Variants in PSD3 observed in about 807,000 individuals in gnomAD.
The protein encoded by PSD3 is pleckstrin and Sec7 domain containing 3, also known as PH and SEC7 domain-containing protein 3.
In PSD3, 49 loss-of-function variants were observed where a neutral mutation model predicts 105.5. The ratio of observed to expected loss-of-function variants is 0.46; its 90% CI spans 0.37 to 0.59. The LOEUF is 0.59. Among genes scored for constraint, PSD3 ranks in the 20% least tolerant of loss-of-function variants. PSD3 has a pLI of 0.00. For synonymous variants in PSD3, 557 were observed against 457.8 expected (o/e 1.22, Z -2.77); for missense variants, 1,561 against 1,263.8 (o/e 1.24, Z -3.57).
At chr8:19,058,795 G>T (rs1488289234) in intron 1 of PSD3, among the ~76,000 whole-genome samples, 1 of 152,134 alleles carries the variant, frequency 6.6e-6, no homozygotes, top group African/African-American at 2.4e-5. Context: ...GGCCTGTAGG[G>T]TGAGAGGGAG....
At chr8:18,802,769 T>C (rs141020583) in intron 6 of PSD3, among the ~76,000 whole-genome samples, 147 of 152,290 alleles carry the variant, frequency 9.7e-4, no homozygotes, top group African/African-American at 1.7e-3. Flanking sequence ...ATTTTATAAA[T>C]AGTGTTGAAA....
intron 2 of PSD3, among the ~76,000 whole-genome samples, chr8:18,898,180 T>C (rs1819276567): frequency 6.6e-6 from 1 of 152,226 alleles, no homozygotes; most frequent in Non-Finnish European, 1.5e-5. Flanking sequence ...GTATAGATGA[T>C]CTATCTGATG....
chr8:18,838,567 C>T (rs1412102921), intron 4 of PSD3, among the ~76,000 whole-genome samples: 3 of 151,938 alleles, frequency 2.0e-5, no homozygotes, highest in South Asian at 2.1e-4. Context: ...TTTGGGAGGC[C>T]GAGGCGGGCG....
rs17127076 is a variant in PSD3 at position 18,706,697 on chromosome 8, G to A, written c.2173-51012C>T. Among the ~76,000 whole-genome samples the A allele has an allele frequency of 6.8e-3, 1,031 of 152,270 alleles. 10 individuals are homozygous for A. Among genetic ancestry groups the A allele is most frequent in the African/African-American group, 0.024 (1,006 of 41,564 alleles). Reference sequence around the variant, plus strand: ...GCATCTAATGAACTGTGAGGTTTGTGGACCTTTGGCAAACACATCCTCACT... The same window carrying A: ...GCATCTAATGAACTGTGAGGTTTGTAGACCTTTGGCAAACACATCCTCACT... On this transcript the variant is annotated intron_variant, in intron 9 of 15. Coordinates refer to ENST00000327040, the MANE Select transcript of PSD3 (RefSeq NM_015310.4).
intron 1 of PSD3, among the ~76,000 whole-genome samples, chr8:19,076,103 A>G (rs1309928662): frequency 7.4e-5 from 4 of 53,968 alleles, no homozygotes; most frequent in Non-Finnish European, 1.1e-4. Context: ...GGATGCTCTC[A>G]ATAAAAATAC....
intron 15 of PSD3, among the ~76,000 whole-genome samples, chr8:18,537,956 C>A (rs1337216011): frequency 6.6e-6 from 1 of 152,184 alleles, no homozygotes; most frequent in Non-Finnish European, 1.5e-5. Flanking sequence ...GGATTACAGG[C>A]GTGAGCCACT....
intron 9 of PSD3, among the ~76,000 whole-genome samples, chr8:18,725,396 A>G (rs1186168013): frequency 6.6e-6 from 1 of 152,246 alleles, no homozygotes; most frequent in Non-Finnish European, 1.5e-5. Flanking sequence ...GGTTGGGGTC[A>G]GAAGAAAGAT....
At chr8:18,729,580 C>T (rs1358995049) in intron 9 of PSD3, among the ~76,000 whole-genome samples, 1 of 152,166 alleles carries the variant, frequency 6.6e-6, no homozygotes, top group African/African-American at 2.4e-5. Flanking sequence ...AAAAAGGGTA[C>T]AGTGCAGGTT....
chr8:18,539,019 C>CT (rs1799996326), intron 15 of PSD3, among the ~76,000 whole-genome samples: 1 of 152,162 alleles, frequency 6.6e-6, no homozygotes, highest in Non-Finnish European at 1.5e-5. Context: ...TTAAAAAAGG[C>CT]TTATAGGGAC....
intron 9 of PSD3, among the ~76,000 whole-genome samples, chr8:18,708,008 A>C (rs899652770): frequency 3.9e-5 from 6 of 152,220 alleles, no homozygotes; most frequent in African/African-American, 1.4e-4. Flanking sequence ...GTACCAGGTA[A>C]TAAACCACCT....
rs1213261545 is a variant in PSD3, at chr8:18,769,112, A to G, written c.2083-3574T>C. Among the ~76,000 whole-genome samples the G allele has an allele frequency of 2.0e-5, 3 of 152,346 alleles. No homozygotes were observed. The East Asian group carries it at 5.8e-4, about 29-fold the overall frequency. Reference sequence around the variant, plus strand: ...GTGTCTCAAGGTAAAAAAATAACACATACAATGAACAGTCATTATGATATA... The same window carrying G: ...GTGTCTCAAGGTAAAAAAATAACACGTACAATGAACAGTCATTATGATATA... On this transcript the variant is annotated intron_variant, in intron 8 of 15. Transcript: ENST00000327040.
Position 18,868,089 on chromosome 8 carries a change from G to A in PSD3, c.1239-20C>T, listed in dbSNP as rs531492569. The A allele has an allele frequency of 2.6e-6, 4 of 1,563,820 alleles. No individual in the cohort carries two copies. Among genetic ancestry groups the A allele is most frequent in the South Asian group, 2.5e-5 (2 of 81,178 alleles). On this transcript the variant is annotated intron_variant, in intron 3 of 15. Transcript: ENST00000327040. ...CTGATCCTGGAAAGTAAATAAGAGT[G>A]AAGAATTCCAATATTAGGTTAATGT...
chr8:18,904,334 AC>A (rs573888381), intron 2 of PSD3, among the ~76,000 whole-genome samples: 188 of 152,296 alleles, frequency 1.2e-3, no homozygotes, highest in African/African-American at 3.9e-3. Flanking sequence ...GCCAGTGTGC[AC>A]TCTGAACTTC....
chr8:19,080,636 C>G (rs1014830111), intron 1 of PSD3, among the ~76,000 whole-genome samples: 4 of 152,168 alleles, frequency 2.6e-5, no homozygotes, highest in Non-Finnish European at 5.9e-5. Flanking sequence ...GCCTGTCATG[C>G]TCATTTCCTC....
Position 18,804,599 on chromosome 8 carries a change from G to A in PSD3, c.1833C>T (p.Asn611=), listed in dbSNP as rs141140112. The A allele has an allele frequency of 5.0e-5, 80 of 1,612,662 alleles. 1 individual carries two copies. In the Middle Eastern group the frequency reaches 6.6e-4, roughly 13 times the overall value. The change falls in exon 6 of 16, where the codon AAC becomes AAT. Residue 611 remains asparagine (N), a synonymous_variant. Coordinates refer to ENST00000327040, the MANE Select transcript of PSD3 (RefSeq NM_015310.4). ...CTTCTGCAACTAGTTTGCTAAATTC[G>A]TTGCTATAAGAAAACAGAATAGACT... The part of the protein sequence containing the change: ...SDVAKHLGKN[N]EFSKLVAEEY...
chr8:18,616,628 C>CTTTTT (rs71217391), intron 11 of PSD3, among the ~76,000 whole-genome samples: 1 of 126,776 alleles, frequency 7.9e-6, no homozygotes, highest in Non-Finnish European at 1.6e-5. Flanking sequence ...CTTTTCTTTT[C>CTTTTT]TTTTTTTTTT....
At chr8:18,911,994 T>C (rs1820254022) in intron 2 of PSD3, among the ~76,000 whole-genome samples, 2 of 152,214 alleles carry the variant, frequency 1.3e-5, no homozygotes, top group South Asian at 4.1e-4. Context: ...CATTAGTCTT[T>C]CAATTATTAT....
At chr8:18,803,987 C>A (rs1008600830) in intron 6 of PSD3, among the ~76,000 whole-genome samples, 36 of 152,250 alleles carry the variant, frequency 2.4e-4, no homozygotes, top group African/African-American at 8.7e-4. Context: ...AAAACTCCTA[C>A]AGATGGCATT....
chr8:18,764,829 T>A (rs2129443594), intron 9 of PSD3, among the ~76,000 whole-genome samples: 1 of 152,302 alleles, frequency 6.6e-6, no homozygotes, highest in South Asian at 2.1e-4. Flanking sequence ...CAAATACTCA[T>A]ATTATCATTA....
Sources: gnomAD v4.1 joint callset for allele counts (sites outside exome capture counted in the v4.1 genomes callset) on GRCh38, gnomAD v4.1.1 for gene constraint, MANE v1.5 for transcripts, NCBI Gene and HGNC (gene_info 2026-07-23, HGNC 2026-07-21) for gene names.